CREBRF: variants seen among roughly 807,000 people sequenced by gnomAD.
CREBRF encodes the protein CREB3 regulatory factor.
In CREBRF, 5 loss-of-function variants were observed where a neutral mutation model predicts 66.1. That is an observed-to-expected ratio of 0.08 (90% CI 0.04 to 0.16). CREBRF has a LOEUF of 0.16. Among genes scored for constraint, CREBRF ranks in the 10% least tolerant of loss-of-function variants. The probability of loss-of-function intolerance (pLI) is 1.00; values close to 1 mark genes in which losing one functional copy is unlikely to be tolerated. For synonymous variants in CREBRF, 229 were observed against 264.4 expected (o/e 0.87, Z 1.30); for missense variants, 531 against 744.9 (o/e 0.71, Z 3.34).
chr5:173,071,866 G>T (rs1757608816), intron 1 of CREBRF, among the ~76,000 whole-genome samples: 1 of 151,624 alleles, frequency 6.6e-6, no homozygotes, highest in Non-Finnish European at 1.5e-5. Flanking sequence ...ACCAGCCTGG[G>T]TAACATGTTG....
intron 2 of CREBRF, chr5:173,086,097 T>C (rs1156491799): frequency 1.2e-6 from 1 of 827,802 alleles, no homozygotes; most frequent in Non-Finnish European, 2.2e-6. Context: ...GACTGCATAG[T>C]TGTCAAAAAC....
At chr5:173,088,481 C>A (rs1758232943) in intron 3 of CREBRF, among the ~76,000 whole-genome samples, 1 of 110,902 alleles carries the variant, frequency 9.0e-6, no homozygotes, top group Admixed American at 9.0e-5. Context: ...AAGAGCAAGA[C>A]CCCGTCTCAA....
intron 3 of CREBRF, among the ~76,000 whole-genome samples, chr5:173,089,614 G>A (rs1330938652): frequency 6.6e-6 from 1 of 150,752 alleles, no homozygotes; most frequent in African/African-American, 2.4e-5. Context: ...TTGAGGTCAG[G>A]AGTTTGAGAC....
At chr5:173,095,160 C>T (rs1485798638) in intron 4 of CREBRF, among the ~76,000 whole-genome samples, 2 of 148,806 alleles carry the variant, frequency 1.3e-5, no homozygotes, top group East Asian at 1.9e-4. Flanking sequence ...TATGCCAGTA[C>T]CATATTGTTA....
rs375867746 is a variant in CREBRF, at chr5:173,080,736, A to G, written c.-40A>G. 2 of 1,608,924 alleles carry G rather than the reference A, an allele frequency of 1.2e-6. No homozygotes were observed. Among genetic ancestry groups the G allele is most frequent in the South Asian group, 1.1e-5 (1 of 90,498 alleles). On this transcript the variant is annotated 5_prime_UTR_variant, in exon 2 of 9. Transcript: ENST00000296953. ...AAAGGAATTTACAAACAAGAAAAAA[A>G]AGAAGTTTGGAATCGGATTCACAGG...
Position 173,067,280 on chromosome 5 carries a change from T to C in CREBRF, c.-192+10801T>C, listed in dbSNP as rs367878377. Among the ~76,000 whole-genome samples the C allele has an allele frequency of 5.3e-5, 8 of 152,362 alleles. No homozygotes were observed. The East Asian group carries it at 9.6e-4, about 18-fold the overall frequency. ...TTTTAGATATCTCTTTTAACATTCA[T>C]TACATTTTATTTGGAAGTTGAGTTG... On this transcript the variant is annotated intron_variant, in intron 1 of 8. Transcript: ENST00000296953.
chr5:173,083,430 T>TC (rs1413703258), intron 2 of CREBRF, among the ~76,000 whole-genome samples: 1 of 152,148 alleles, frequency 6.6e-6, no homozygotes, highest in Non-Finnish European at 1.5e-5. Context: ...GTCTTTTTTT[T>TC]CCCCTTTACT....
At chr5:173,063,408 C>T (rs1757338796) in intron 1 of CREBRF, among the ~76,000 whole-genome samples, 2 of 152,144 alleles carry the variant, frequency 1.3e-5, no homozygotes, top group African/African-American at 2.4e-5. Context: ...CACGCTGTTG[C>T]CCACGCTGGA....
intron 7 of CREBRF, among the ~76,000 whole-genome samples, chr5:173,121,756 C>T (rs1759144345): frequency 6.6e-6 from 1 of 152,202 alleles, no homozygotes; most frequent in Admixed American, 6.5e-5. Context: ...TTCGATATAG[C>T]AGGCACTATC....
chr5:173,066,711 A>G (rs1412973649), intron 1 of CREBRF, among the ~76,000 whole-genome samples: 3 of 150,750 alleles, frequency 2.0e-5, no homozygotes, highest in African/African-American at 4.9e-5. Flanking sequence ...GAAATTTCAT[A>G]TAAATCTTTT....
rs1166141938 is a variant in CREBRF at position 173,091,334 on chromosome 5, G to A, written c.1155G>A (p.Glu385=). 6.2e-7 allele frequency: 1 copy of A among 1,612,988 alleles called. No homozygotes were observed. Among genetic ancestry groups the A allele is most frequent in the Non-Finnish European group, 8.5e-7 (1 of 1,179,366 alleles). The change falls in exon 4 of 9, where the codon GAG becomes GAA. Residue 385 remains glutamate, a synonymous_variant. Coordinates refer to ENST00000296953, the MANE Select transcript of CREBRF (RefSeq NM_153607.3). ...ATGAACTGTCTGAAAATGAGGAGGA[G>A]GAAGAAGAGGAAGAGGATTATGAAG... ...SEHELSENEE[E]EEEEEDYEDD...
chr5:173,085,399 T>C lies in CREBRF; in HGVS notation c.10-1102T>C, dbSNP rs1469246376. On this transcript the variant is annotated intron_variant, in intron 2 of 8. Transcript: ENST00000296953. The stretch of plus-strand genomic sequence containing the variant: ...AGGCTCCAGGGCAGCCAATATTGTA[T>C]CGTCAAATACATTCTTTTTTTTTTT... 3.9e-6 allele frequency: 4 copies of C among 1,036,674 alleles called. No individual in the cohort carries two copies. The East Asian group carries it at 7.2e-5, about 19-fold the overall frequency. The allele number at this position is 1,036,674 out of a possible 1,614,324, so 64.2% of individuals were successfully genotyped here.
intron 7 of CREBRF, among the ~76,000 whole-genome samples, chr5:173,120,119 TTTTC>T (rs1759103067): frequency 6.6e-6 from 1 of 152,186 alleles, no homozygotes; most frequent in Non-Finnish European, 1.5e-5. Context: ...ATGATTTTTA[TTTTC>T]TTTTTTTTAA....
intron 7 of CREBRF, among the ~76,000 whole-genome samples, chr5:173,117,185 C>T (rs139713430): frequency 0.062 from 9,365 of 152,006 alleles, 349 homozygotes; most frequent in Middle Eastern, 0.17. Flanking sequence ...TCGAGACCAG[C>T]CTGGCCAACA....
At chr5:173,068,907 GAAA>G (rs761306299) in intron 1 of CREBRF, among the ~76,000 whole-genome samples, 1 of 137,932 alleles carries the variant, frequency 7.2e-6, no homozygotes, top group Non-Finnish European at 1.6e-5. Context: ...CATCAGTACT[GAAA>G]AAAAAAAAAA....
intron 8 of CREBRF, among the ~76,000 whole-genome samples, chr5:173,129,317 C>T (rs1276163995): frequency 1.3e-5 from 2 of 150,520 alleles, no homozygotes; most frequent in African/African-American, 2.4e-5. Flanking sequence ...GAGGTTTCAC[C>T]GTGTCAGCCA....
intron 1 of CREBRF, among the ~76,000 whole-genome samples, chr5:173,075,932 G>A (rs1341931649): frequency 6.6e-6 from 1 of 151,760 alleles, no homozygotes; most frequent in Non-Finnish European, 1.5e-5. Context: ...AAAGAAAAGA[G>A]ATTTATCGCT....
At chr5:173,122,569 T>TTATTA (rs1759162964) in intron 7 of CREBRF, among the ~76,000 whole-genome samples, 2 of 132,090 alleles carry the variant, frequency 1.5e-5, no homozygotes, top group African/African-American at 2.9e-5. Context: ...TATTATTTCT[T>TTATTA]TTATTATTAT....
intron 8 of CREBRF, among the ~76,000 whole-genome samples, chr5:173,133,199 T>G (rs1179106196): frequency 6.6e-6 from 1 of 152,176 alleles, no homozygotes; most frequent in East Asian, 1.9e-4. Flanking sequence ...CAAAACATCC[T>G]TCAGGTCTAT....
Sources: gnomAD v4.1 joint callset for allele counts (sites outside exome capture counted in the v4.1 genomes callset) on GRCh38, gnomAD v4.1.1 for gene constraint, MANE v1.5 for transcripts, NCBI Gene and HGNC (gene_info 2026-07-23, HGNC 2026-07-21) for gene names.